Variants in DNAH14 observed in about 807,000 individuals in gnomAD.
DNAH14 encodes axonemal beta dynein heavy chain 14.
Under a neutral mutation model 520.9 loss-of-function variants are expected in DNAH14, and 478 were observed. The ratio of observed to expected loss-of-function variants is 0.92; its 90% CI spans 0.85 to 0.99. The LOEUF (loss-of-function observed/expected upper bound fraction) is 0.99. Ranked by LOEUF, DNAH14 falls within the 50% of genes least tolerant of loss-of-function variation. The probability of loss-of-function intolerance (pLI) is 0.00; values close to 1 mark genes in which losing one functional copy is unlikely to be tolerated. For missense variants in DNAH14, 4,831 were observed against 5,234.5 expected (o/e 0.92, Z 2.38); for synonymous variants, 1,581 against 1,757.2 (o/e 0.90, Z 2.51).
At chr1:225,194,235 C>CAAAAATAACAAATT (rs1362827270) in intron 38 of DNAH14, among the ~76,000 whole-genome samples, 3 of 150,076 alleles carry the variant, frequency 2.0e-5, no homozygotes, top group East Asian at 2.0e-4. Context: ...CTGAATGAAG[C>CAAAAATAACAAATT]TGAAGGCATC....
At chr1:225,217,493 C>G (rs914963647) in intron 41 of DNAH14, among the ~76,000 whole-genome samples, 2 of 152,194 alleles carry the variant, frequency 1.3e-5, no homozygotes, top group Admixed American at 6.5e-5. Flanking sequence ...ATGCCCTGCC[C>G]CCAGAGGTGG....
Position 224,964,540 on chromosome 1 carries a change from A to G in DNAH14, c.429A>G (p.Gln143=), listed in dbSNP as rs1172952944. ...GGCTACGAGAAAAGCTTGGTTGGCAAACTATATTACCGCAGCACAGTTTGA... is the reference window on the plus strand; with the variant it reads ...GGCTACGAGAAAAGCTTGGTTGGCAGACTATATTACCGCAGCACAGTTTGA... ...IIRLREKLGW[Q]TILPQHSLKY... Residue 143 remains glutamine, a synonymous_variant, in exon 5 of 86, where the codon CAA becomes CAG. Coordinates refer to ENST00000682510, the MANE Select transcript of DNAH14 (RefSeq NM_001367479.1). The G allele has an allele frequency of 2.5e-6, 4 of 1,610,482 alleles. No individual in the cohort carries two copies. The highest frequency in any genetic ancestry group is 4.5e-5 in the East Asian group (2 of 44,722).
Position 225,192,728 on chromosome 1 carries a change from T to G in DNAH14, c.5703T>G (p.Cys1901Trp). ...AAAGAAAAGGAAAAGTAGATATTTG[T>G]GTTTTAAATCCAAAGTGTGTCACTC... is the stretch of plus-strand genomic sequence containing the variant. Reference protein sequence around the residue: ...ISERKGKVDICVLNPKCVTLS... With the variant: ...ISERKGKVDIWVLNPKCVTLS... The change falls in exon 38 of 86, where the codon TGT becomes TGG. Residue 1901 changes from cysteine to tryptophan, a missense_variant. Coordinates refer to ENST00000682510, the MANE Select transcript of DNAH14 (RefSeq NM_001367479.1). The G allele has an allele frequency of 1.3e-6, 2 of 1,549,392 alleles. No individual in the cohort carries two copies. Among genetic ancestry groups the G allele is most frequent in the Non-Finnish European group, 1.7e-6 (2 of 1,145,580 alleles).
intron 15 of DNAH14, among the ~76,000 whole-genome samples, chr1:225,047,761 G>C (rs905741415): frequency 3.3e-5 from 5 of 152,180 alleles, no homozygotes; most frequent in Non-Finnish European, 7.3e-5. Context: ...TTTTAAAAAT[G>C]TAACCTTAAC....
At chr1:225,262,141 T>G (rs1330814090) in intron 46 of DNAH14, among the ~76,000 whole-genome samples, 1 of 152,044 alleles carries the variant, frequency 6.6e-6, no homozygotes, top group Non-Finnish European at 1.5e-5. Context: ...AATACTCTAT[T>G]CTTCTTTTGA....
intron 44 of DNAH14, among the ~76,000 whole-genome samples, chr1:225,255,280 GA>G (rs1475777662): frequency 6.6e-6 from 1 of 152,126 alleles, no homozygotes; most frequent in Non-Finnish European, 1.5e-5. Flanking sequence ...CTCCTTTATA[GA>G]AATTATTGAG....
chr1:225,002,860 A>C lies in DNAH14; in HGVS notation c.908A>C (p.Glu303Ala). 6.5e-7 allele frequency: 1 copy of C among 1,549,730 alleles called. No individual in the cohort carries two copies. Among genetic ancestry groups the C allele is most frequent in the South Asian group, 1.2e-5 (1 of 83,938 alleles). ...TCLVYIRGLC[E>A]DAINLKNYND... ...TTGGTTTATATAAGAGGACTTTGTG[A>C]AGATGCAATTAATCTCAAAAATTAT... Residue 303 changes from glutamate to alanine, a missense_variant, in exon 9 of 86, where the codon GAA becomes GCA. Transcript: ENST00000682510.
intron 2 of DNAH14, chr1:224,952,986 C>A (rs1429426013): frequency 1.9e-5 from 7 of 365,926 alleles, no homozygotes; most frequent in Non-Finnish European, 3.5e-5. Context: ...CTCCTTCCCC[C>A]AGACCAACCT....
intron 49 of DNAH14, among the ~76,000 whole-genome samples, chr1:225,269,764 C>T (rs904696878): frequency 3.3e-5 from 5 of 152,100 alleles, no homozygotes; most frequent in South Asian, 2.1e-4. Context: ...AAATGCAAAC[C>T]GCAAGGAGAT....
At chr1:225,227,338 C>T (rs902816727) in intron 41 of DNAH14, among the ~76,000 whole-genome samples, 3 of 152,098 alleles carry the variant, frequency 2.0e-5, no homozygotes, top group East Asian at 1.9e-4. Flanking sequence ...TGGAGAATGG[C>T]GATGACTTTT....
chr1:225,321,514 G>T (rs1053940634), intron 61 of DNAH14, among the ~76,000 whole-genome samples: 1 of 152,166 alleles, frequency 6.6e-6, no homozygotes, highest in Admixed American at 6.5e-5. Flanking sequence ...TATAAAGTTG[G>T]CTTGGTTGCC....
chr1:224,988,175 G>T (rs2062779975), intron 8 of DNAH14, among the ~76,000 whole-genome samples: 1 of 151,970 alleles, frequency 6.6e-6, no homozygotes, highest in African/African-American at 2.4e-5. Context: ...TCCTGCGTTA[G>T]TTTGCTGATG....
At chr1:225,309,576 G>T (rs1244882034) in intron 60 of DNAH14, among the ~76,000 whole-genome samples, 1 of 152,036 alleles carries the variant, frequency 6.6e-6, no homozygotes, top group African/African-American at 2.4e-5. Flanking sequence ...CCACCTGAAG[G>T]TGCCACTGTT....
At chr1:225,176,222 G>A (rs1298268254) in intron 36 of DNAH14, among the ~76,000 whole-genome samples, 4 of 151,888 alleles carry the variant, frequency 2.6e-5, no homozygotes, top group Non-Finnish European at 2.9e-5. Flanking sequence ...GCTTGTACAT[G>A]AGCACATTGT....
At chr1:225,168,051 G>C (rs2082205245) in intron 36 of DNAH14, 23 bp downstream of exon 36, 1 of 1,280,754 alleles carries the variant, frequency 7.8e-7, no homozygotes, top group Non-Finnish European at 1.1e-6. Flanking sequence ...TGGCATGTTA[G>C]CAATCCTTTG....
Position 225,129,517 on chromosome 1 carries a change from A to G in DNAH14, c.4254+5903A>G, listed in dbSNP as rs186680656. Among the ~76,000 whole-genome samples, 3 of 152,316 alleles carry G rather than the reference A, an allele frequency of 2.0e-5. No individual in the cohort carries two copies. In the East Asian group the frequency reaches 5.8e-4, roughly 29 times the overall value. On this transcript the variant is annotated intron_variant, in intron 27 of 85. Transcript: ENST00000682510. ...AGAGCCCTCAGAAATAATGCCGCAT[A>G]TCTACAACCATCTGATCTTTGAGAA...
rs1312861664 is a variant in DNAH14, at chr1:225,351,826, A to G, written c.11476A>G (p.Thr3826Ala). Residue 3826 changes from threonine (T) to alanine (A), a missense_variant, in exon 72 of 86, where the codon ACA becomes GCA. By Grantham distance (58) the Thr-to-Ala change is moderately conservative (BLOSUM62 0). Transcript: ENST00000682510. ...TAAAGCAGTTTATTCTCTGATCAGCACACCTTTCTCTTCAGAAAATGCTTC... is the reference window on the plus strand; with the variant it reads ...TAAAGCAGTTTATTCTCTGATCAGCGCACCTTTCTCTTCAGAAAATGCTTC... The part of the protein sequence containing the change: ...NSKAVYSLIS[T>A]PFSSENASLE... 10 of 1,551,322 alleles carry G rather than the reference A, an allele frequency of 6.4e-6. No homozygotes were observed. The highest frequency in any genetic ancestry group is 7.8e-6 in the Non-Finnish European group (9 of 1,146,748).
chr1:225,267,022 G>C (rs1476138040), intron 49 of DNAH14, among the ~76,000 whole-genome samples: 2 of 152,104 alleles, frequency 1.3e-5, no homozygotes, highest in Non-Finnish European at 2.9e-5. Flanking sequence ...TCAAGATTTG[G>C]TTTCTGAGTC....
At position 225,349,367 on chromosome 1, in the gene DNAH14, C is replaced by G. The variant is rs1442819562; in HGVS notation, c.11297-2280C>G. On this transcript the variant is annotated intron_variant, in intron 71 of 85. Transcript: ENST00000682510. ...TATCACCACAAAGATCAATAAAATA[C>G]CGAAAAAGGCAATAAAAGAGGACAG... Among the ~76,000 whole-genome samples the G allele has an allele frequency of 4.0e-5, 6 of 151,644 alleles. No individual in the cohort carries two copies. The South Asian group carries it at 8.3e-4, about 21-fold the overall frequency.
Sources: allele counts gnomAD v4.1 joint callset (sites outside exome capture counted in the v4.1 genomes callset), GRCh38; gene constraint gnomAD v4.1.1; transcripts MANE v1.5; gene names NCBI Gene and HGNC (gene_info 2026-07-23, HGNC 2026-07-21).